TMEM212: variants seen among roughly 807,000 people sequenced by gnomAD.
TMEM212 encodes transmembrane protein 212.
TMEM212 carries 23 observed loss-of-function variants against 20.5 expected under a neutral mutation model. The ratio of observed to expected loss-of-function variants is 1.12; its 90% CI spans 0.81 to 1.59. The LOEUF is 1.59. Among genes scored for constraint, TMEM212 ranks in the 40% most tolerant of loss-of-function variants. The pLI is 0.00. For synonymous variants in TMEM212, 76 were observed against 81.6 expected (o/e 0.93, Z 0.37); for missense variants, 211 against 215.0 (o/e 0.98, Z 0.12).
intron 3 of TMEM212, among the ~76,000 whole-genome samples, chr3:171,854,101 G>T (rs1725057691): frequency 6.6e-6 from 1 of 152,062 alleles, no homozygotes; most frequent in East Asian, 1.9e-4. Flanking sequence ...CCACAATTTT[G>T]AAAATTATTC....
chr3:171,850,624 G>T (rs761196242), intron 1 of TMEM212, among the ~76,000 whole-genome samples: 1 of 152,188 alleles, frequency 6.6e-6, no homozygotes, highest in African/African-American at 2.4e-5. Flanking sequence ...CTACAGCACC[G>T]GTGTTACAGT....
intron 2 of TMEM212, 150 bp downstream of exon 2, chr3:171,852,191 C>A: frequency 1.5e-6 from 1 of 654,556 alleles, no homozygotes; most frequent in Non-Finnish European, 2.5e-6. Flanking sequence ...CAGAAATAAA[C>A]TCTGTTTTAA....
At chr3:171,849,700 A>G (rs1724926983) in intron 1 of TMEM212, among the ~76,000 whole-genome samples, 1 of 152,172 alleles carries the variant, frequency 6.6e-6, no homozygotes, top group Non-Finnish European at 1.5e-5. Context: ...TTCTATTTCT[A>G]TTGTGAGGGC....
chr3:171,847,712 G>A (rs890558380), intron 1 of TMEM212, among the ~76,000 whole-genome samples: 10 of 152,144 alleles, frequency 6.6e-5, no homozygotes, highest in Non-Finnish European at 1.5e-4. Context: ...TCAGGGGCAA[G>A]GGGGATTCTG....
intron 1 of TMEM212, among the ~76,000 whole-genome samples, chr3:171,849,000 G>T (rs1578515489): frequency 6.6e-6 from 1 of 151,860 alleles, no homozygotes; most frequent in Non-Finnish European, 1.5e-5. Context: ...AAGTTCAGAC[G>T]TGCTAGACTG....
chr3:171,844,483 G>T (rs111555441), intron 1 of TMEM212, among the ~76,000 whole-genome samples: 3 of 152,118 alleles, frequency 2.0e-5, no homozygotes, highest in Admixed American at 6.5e-5. Context: ...CAAGGGGAGC[G>T]GATCACGAGG....
intron 1 of TMEM212, among the ~76,000 whole-genome samples, chr3:171,848,983 C>T (rs968637508): frequency 6.6e-6 from 1 of 151,852 alleles, no homozygotes; most frequent in Non-Finnish European, 1.5e-5. Context: ...TTCATTGTCC[C>T]TAAACAAAGT....
At chr3:171,855,073 A>G (rs539987885) in intron 3 of TMEM212, among the ~76,000 whole-genome samples, 206 of 143,614 alleles carry the variant, frequency 1.4e-3, no homozygotes, top group African/African-American at 4.9e-3. Flanking sequence ...CACTAATACA[A>G]AACTAATTAG....
Position 171,851,990 on chromosome 3 carries a change from A to G in TMEM212, c.168A>G (p.Thr56=). Residue 56 remains threonine (T), a synonymous_variant, in exon 2 of 5, where the codon ACA becomes ACG. Transcript: ENST00000334567. The stretch of plus-strand genomic sequence containing the variant: ...CCATTTTCTTGTCACAGGCCATCAC[A>G]ACTGGTGTGCTTCTACTGTTGGCTT... ...CPIWNGALAI[T]TGVLLLLAYR... The G allele has an allele frequency of 2.6e-6, 4 of 1,537,054 alleles. No individual in the cohort carries two copies. The highest frequency in any genetic ancestry group is 3.5e-6 in the Non-Finnish European group (4 of 1,146,734).
intron 3 of TMEM212, among the ~76,000 whole-genome samples, chr3:171,856,018 G>A (rs1725106304): frequency 6.6e-6 from 1 of 152,044 alleles, no homozygotes; most frequent in African/African-American, 2.4e-5. Context: ...ACTAAATAAA[G>A]GGAACAATTA....
At chr3:171,851,067 T>C (rs1724966825) in intron 1 of TMEM212, among the ~76,000 whole-genome samples, 1 of 152,350 alleles carries the variant, frequency 6.6e-6, no homozygotes, top group South Asian at 2.1e-4. Flanking sequence ...CTTATTTCTC[T>C]GTCAAAAGCT....
At chr3:171,850,834 T>A (rs535203764) in intron 1 of TMEM212, among the ~76,000 whole-genome samples, 1 of 152,248 alleles carries the variant, frequency 6.6e-6, no homozygotes, top group South Asian at 2.1e-4. Flanking sequence ...GAAGTGTGTG[T>A]CTGTGTGTGT....
rs1214116113 is a variant in TMEM212 at position 171,856,647 on chromosome 3, C to A, written c.544-16C>A. Reference sequence around the variant, plus strand: ...AGAAGCCTTATCAAATTTGCTGTCTCTCATATGTCTTACAGATGCAACTCC... The same window carrying A: ...AGAAGCCTTATCAAATTTGCTGTCTATCATATGTCTTACAGATGCAACTCC... On this transcript the variant is annotated splice_polypyrimidine_tract_variant and intron_variant, in intron 3 of 4. Transcript: ENST00000334567. The A allele has an allele frequency of 1.3e-5, 9 of 682,364 alleles. No homozygotes were observed. The highest frequency in any genetic ancestry group is 2.4e-5 in the Non-Finnish European group (9 of 373,878). The allele number at this position is 682,364 out of a possible 1,614,324, so 42.3% of individuals were successfully genotyped here. A position where few individuals can be genotyped will look rare whatever the true frequency, so the allele number is the denominator to read the frequency against.
chr3:171,853,599 T>C lies in TMEM212; in HGVS notation c.292T>C (p.Ser98Pro), dbSNP rs1725040027. The part of the protein sequence containing the change: ...CPLHFAIALE[S>P]ALLGPYCFYS... The stretch of plus-strand genomic sequence containing the variant: ...ACTTCATTTTGCAATAGCCTTGGAA[T>C]CTGCTCTCCTGGGCCCATATTGCTT... The change falls in exon 3 of 5, where the codon TCT becomes CCT. Residue 98 changes from serine to proline, a missense_variant. Physicochemically the swap from Ser to Pro is moderately conservative, Grantham distance 74 (BLOSUM62 -1). Coordinates refer to ENST00000334567, the MANE Select transcript of TMEM212 (RefSeq NM_001164436.2). 2.6e-6 allele frequency: 4 copies of C among 1,537,260 alleles called. 1 individual carries two copies. In the South Asian group the frequency reaches 4.8e-5, roughly 18 times the overall value.
chr3:171,850,558 G>A (rs1724952633), intron 1 of TMEM212, among the ~76,000 whole-genome samples: 1 of 152,234 alleles, frequency 6.6e-6, no homozygotes, highest in Non-Finnish European at 1.5e-5. Flanking sequence ...TGACAGAGGA[G>A]TGATGTGTCA....
At chr3:171,855,776 C>T (rs1046471120) in intron 3 of TMEM212, among the ~76,000 whole-genome samples, 4 of 152,142 alleles carry the variant, frequency 2.6e-5, no homozygotes, top group Admixed American at 6.5e-5. Context: ...AATCTCAAAA[C>T]TCTCTCCAGT....
chr3:171,853,656 T>C lies in TMEM212; in HGVS notation c.349T>C (p.Tyr117His), dbSNP rs771259507. 64 of 1,537,392 alleles carry C rather than the reference T, an allele frequency of 4.2e-5. No individual in the cohort carries two copies. The highest frequency in any genetic ancestry group is 8.7e-7 in the Non-Finnish European group (1 of 1,146,938). ...ATTTTCAGGGATTGCAGGGACTAAT[T>C]ACCTTGGCTATGCAGTTACCTTTCC... is the stretch of plus-strand genomic sequence containing the variant. ...YSFSGIAGTN[Y>H]LGYAVTFPYP... Residue 117 changes from tyrosine to histidine, a missense_variant, in exon 3 of 5, where the codon TAC (tyrosine) becomes CAC (histidine). Transcript: ENST00000334567.
At chr3:171,846,928 A>G (rs368513596) in intron 1 of TMEM212, among the ~76,000 whole-genome samples, 3 of 152,300 alleles carry the variant, frequency 2.0e-5, no homozygotes, top group South Asian at 2.1e-4. Flanking sequence ...AACCATATTA[A>G]CATTTCCTTT....
At chr3:171,854,691 G>A (rs992812985) in intron 3 of TMEM212, among the ~76,000 whole-genome samples, 19 of 152,056 alleles carry the variant, frequency 1.2e-4, no homozygotes, top group Non-Finnish European at 1.9e-4. Flanking sequence ...TAGCCAAAGC[G>A]AACTTGAGAA....
Sources: gnomAD v4.1 joint callset for allele counts (sites outside exome capture counted in the v4.1 genomes callset) on GRCh38, gnomAD v4.1.1 for gene constraint, MANE v1.5 for transcripts, NCBI Gene and HGNC (gene_info 2026-07-23, HGNC 2026-07-21) for gene names.